CHRNA6: variants seen among roughly 807,000 people sequenced by gnomAD.
CHRNA6 encodes the protein neuronal acetylcholine receptor subunit alpha-6.
CHRNA6 carries 31 observed loss-of-function variants against 40.9 expected under a neutral mutation model. The ratio of observed to expected loss-of-function variants is 0.76; its 90% CI spans 0.57 to 1.02. CHRNA6 has a LOEUF of 1.02. Among genes scored for constraint, CHRNA6 ranks in the 50% least tolerant of loss-of-function variants. The pLI, the probability that CHRNA6 is intolerant of heterozygous loss-of-function variation, is 0.00. For synonymous variants in CHRNA6, 222 were observed against 221.3 expected (o/e 1.00, Z -0.03); for missense variants, 546 against 596.6 (o/e 0.92, Z 0.88).
chr8:42,764,844 CTT>C, intron 2 of CHRNA6: 1 of 541,850 alleles, frequency 1.8e-6, no homozygotes. Context: ...CCCTGCAACT[CTT>C]TGTTTCGTAA....
Position 42,768,422 on chromosome 8 carries a change from G to A in CHRNA6, c.9C>T (p.Thr3=). ML[T]SKGQGFLHGG... is the part of the protein sequence containing the mutation. ...CATGAAGGAATCCCTGCCCCTTGCT[G>A]GTCAGCATGGTTAAAACACACTTGG... The change falls in exon 1 of 6, where the codon ACC becomes ACT. Residue 3 remains threonine (T), a synonymous_variant. Transcript: ENST00000276410. The A allele has an allele frequency of 1.9e-6, 3 of 1,613,608 alleles. No homozygotes were observed. The highest frequency in any genetic ancestry group is 1.1e-5 in the South Asian group (1 of 91,060).
At chr8:42,766,726 T>C (rs960620989) in intron 1 of CHRNA6, among the ~76,000 whole-genome samples, 2 of 152,014 alleles carry the variant, frequency 1.3e-5, no homozygotes, top group African/African-American at 4.8e-5. Flanking sequence ...CACCACACAC[T>C]AGAGCCTCTT....
In CHRNA6 at chr8:42,760,559, C is replaced by G. The variant is rs1206118931; in HGVS notation, c.220-1446G>C. ...TCATACCCACTCACACTCAGGCACA[C>G]TCACACAGTCATACACAGGCTCACA... On this transcript the variant is annotated intron_variant, in intron 2 of 5. Transcript: ENST00000276410. 2.0e-5 allele frequency among the ~76,000 whole-genome samples: 3 copies of G among 151,920 alleles called. No homozygotes were observed. In the East Asian group the frequency reaches 5.8e-4, roughly 29 times the overall value.
At chr8:42,755,133 C>G (rs1816775460) in intron 5 of CHRNA6, among the ~76,000 whole-genome samples, 1 of 151,338 alleles carries the variant, frequency 6.6e-6, no homozygotes, top group Non-Finnish European at 1.5e-5. Context: ...ATCCTCCCAC[C>G]TCAGCCCCTT....
rs562286235 is a variant in CHRNA6, at chr8:42,766,308, C to T, written c.80-1104G>A. Among the ~76,000 whole-genome samples, 64 of 152,174 alleles carry T rather than the reference C, an allele frequency of 4.2e-4. No individual in the cohort carries two copies. In the South Asian group the frequency reaches 0.013, roughly 32 times the overall value. On this transcript the variant is annotated intron_variant, in intron 1 of 5. Transcript: ENST00000276410. ...GAGATCGAGACCATCCTGGCTAACA[C>T]GGTGAAACCCCGTCCCTACCAAAAA...
At chr8:42,764,143 A>AGTACGG (rs1816940360) in intron 2 of CHRNA6, among the ~76,000 whole-genome samples, 1 of 152,158 alleles carries the variant, frequency 6.6e-6, no homozygotes, top group Admixed American at 6.5e-5. Flanking sequence ...TGTACCCAAG[A>AGTACGG]GTACGGGCCT....
chr8:42,755,238 C>A (rs1268585435), intron 5 of CHRNA6, among the ~76,000 whole-genome samples: 1 of 147,624 alleles, frequency 6.8e-6, no homozygotes, highest in East Asian at 2.0e-4. Flanking sequence ...CAGGCTGAGG[C>A]TCTTAGTTTC....
At chr8:42,754,941 C>G (rs1057254661) in intron 5 of CHRNA6, among the ~76,000 whole-genome samples, 3 of 152,134 alleles carry the variant, frequency 2.0e-5, no homozygotes, top group Non-Finnish European at 4.4e-5. Context: ...CATCTCCCAG[C>G]ACCCCCAGGC....
At position 42,755,896 on chromosome 8, in the gene CHRNA6, T is replaced by C; in HGVS notation, c.1303A>G (p.Ser435Gly). Residue 435 changes from serine to glycine, a missense_variant, in exon 5 of 6, where the codon AGT (serine) becomes GGT (glycine). Physicochemically the swap from Ser to Gly is moderately conservative, Grantham distance 56 (BLOSUM62 0). Transcript: ENST00000276410. ...HSPEVEDVIN[S>G]VQFIAENMKS... is the part of the protein sequence containing the mutation. ...ATGTTTTCTGCTATGAACTGAACAC[T>C]GTTAATCACATCTTCAACTTCAGGC... 1 of 1,614,264 alleles carries C rather than the reference T, an allele frequency of 6.2e-7. No individual in the cohort carries two copies. Among genetic ancestry groups the C allele is most frequent in the Admixed American group, 1.7e-5 (1 of 60,032 alleles).
chr8:42,761,219 TAC>T (rs1221611870), intron 2 of CHRNA6, among the ~76,000 whole-genome samples: 1 of 152,330 alleles, frequency 6.6e-6, no homozygotes, highest in African/African-American at 2.4e-5. Context: ...GCAAAGGAGT[TAC>T]AGTCATGGGT....
chr8:42,761,523 A>C (rs1816903993), intron 2 of CHRNA6, among the ~76,000 whole-genome samples: 1 of 152,254 alleles, frequency 6.6e-6, no homozygotes, highest in African/African-American at 2.4e-5. Flanking sequence ...GAAGGCTGAG[A>C]TCAGTTGGCA....
chr8:42,756,791 T>C lies in CHRNA6; in HGVS notation c.408A>G (p.Thr136=). The C allele has an allele frequency of 6.2e-7, 1 of 1,607,968 alleles. No homozygotes were observed. The highest frequency in any genetic ancestry group is 8.5e-7 in the Non-Finnish European group (1 of 1,178,514). The change falls in exon 5 of 6, where the codon ACA becomes ACG. Residue 136 remains threonine (T), a synonymous_variant. Coordinates refer to ENST00000276410, the MANE Select transcript of CHRNA6 (RefSeq NM_004198.3). ...AVGDFQVEGK[T]KALLKYNGMI... ...TGCCATTGTATTTAAGAAGAGCTTT[T>C]GTTTTGCCTTCTACTTGGAAGTCAC...
chr8:42,762,999 A>C (rs1347611875), intron 2 of CHRNA6, among the ~76,000 whole-genome samples: 1 of 152,222 alleles, frequency 6.6e-6, no homozygotes, highest in Non-Finnish European at 1.5e-5. Flanking sequence ...TTGCAGCTGG[A>C]GGTAGTCAAT....
chr8:42,757,274 G>A (rs1427045757), intron 3 of CHRNA6, among the ~76,000 whole-genome samples: 1 of 152,034 alleles, frequency 6.6e-6, no homozygotes, highest in African/African-American at 2.4e-5. Flanking sequence ...GCTGAGGCAG[G>A]AGAATCTCTT....
At chr8:42,768,244 C>G in intron 1 of CHRNA6, 108 bp downstream of exon 1, 1 of 845,404 alleles carries the variant, frequency 1.2e-6, no homozygotes, top group South Asian at 1.7e-5. Flanking sequence ...GGCTCCTATG[C>G]AGACCATAGA....
intron 1 of CHRNA6, among the ~76,000 whole-genome samples, chr8:42,766,844 G>A (rs966776128): frequency 6.6e-6 from 1 of 152,220 alleles, no homozygotes; most frequent in African/African-American, 2.4e-5. Flanking sequence ...GTTTACCTAT[G>A]TAACAAAGCT....
At chr8:42,757,877 C>CA (rs914568283) in intron 3 of CHRNA6, among the ~76,000 whole-genome samples, 20 of 142,722 alleles carry the variant, frequency 1.4e-4, no homozygotes, top group Non-Finnish European at 2.9e-4. Flanking sequence ...ACTAAAAATA[C>CA]AAAAAAAATT....
chr8:42,763,033 C>T (rs373688392), intron 2 of CHRNA6, among the ~76,000 whole-genome samples: 19 of 152,324 alleles, frequency 1.2e-4, no homozygotes, highest in African/African-American at 3.6e-4. Flanking sequence ...GCAGCTCTTA[C>T]GGAAATCACA....
At chr8:42,764,283 T>C (rs1269209316) in intron 2 of CHRNA6, among the ~76,000 whole-genome samples, 1 of 152,058 alleles carries the variant, frequency 6.6e-6, no homozygotes, top group Non-Finnish European at 1.5e-5. Context: ...CTCTTTTTTT[T>C]CCCAAGGCTG....
Sources: gnomAD v4.1 joint callset for allele counts (sites outside exome capture counted in the v4.1 genomes callset) on GRCh38, gnomAD v4.1.1 for gene constraint, MANE v1.5 for transcripts, NCBI Gene and HGNC (gene_info 2026-07-23, HGNC 2026-07-21) for gene names.